Variants in TRAK1 observed in about 807,000 individuals in gnomAD.
TRAK1 encodes trafficking kinesin protein 1.
In TRAK1, 33 loss-of-function variants were observed where a neutral mutation model predicts 92.1. The observed-to-expected ratio is 0.36, with a 90% CI of 0.27 to 0.48. TRAK1 has a LOEUF of 0.48. Among genes scored for constraint, TRAK1 ranks in the 20% least tolerant of loss-of-function variants. The pLI, the probability that TRAK1 is intolerant of heterozygous loss-of-function variation, is 0.99. For synonymous variants in TRAK1, 521 were observed against 517.3 expected, an observed-to-expected ratio of 1.01 and a Z score of -0.10; for missense variants, 1,123 against 1,257.9, an observed-to-expected ratio of 0.89 and a Z score of 1.62.
At chr3:42,089,533 C>T (rs1704875073), upstream of TRAK1, among the ~76,000 whole-genome samples, 1 of 152,190 alleles carries the variant, frequency 6.6e-6, no homozygotes, top group Non-Finnish European at 1.5e-5. Context: ...GCCCTCCGTG[C>T]TCCAGGTACA....
chr3:42,180,481 C>T (rs996145319), intron 3 of TRAK1, among the ~76,000 whole-genome samples: 5 of 151,902 alleles, frequency 3.3e-5, no homozygotes, highest in East Asian at 1.9e-4. Context: ...AAAAGTTAGA[C>T]GCTGTAACTG....
intron 1 of TRAK1, among the ~76,000 whole-genome samples, chr3:42,092,711 G>GTTATGTTA (rs1705247688): frequency 1.3e-4 from 13 of 101,116 alleles, no homozygotes; most frequent in East Asian, 2.8e-4. Flanking sequence ...GTGTTGTGTT[G>GTTATGTTA]TGTTATGTTA....
At chr3:42,098,942 T>TGGAC (rs1706336544) in intron 1 of TRAK1, among the ~76,000 whole-genome samples, 1 of 148,820 alleles carries the variant, frequency 6.7e-6, no homozygotes, top group African/African-American at 2.5e-5. Context: ...GGATTCCAGC[T>TGGAC]GGACAGGAAG....
At position 42,201,883 on chromosome 3, in the gene TRAK1, G is replaced by GACACACACAC. The variant is rs56336064; in HGVS notation, c.1428-514_1428-505dup. ...GGACGGACGGACGGACGGACAGACG[G>GACACACACAC]ACACACACACACACACACACACACA... On this transcript the variant is annotated intron_variant, in intron 12 of 15. Transcript: ENST00000327628. 5.3e-3 allele frequency among the ~76,000 whole-genome samples: 660 copies of GACACACACAC among 125,162 alleles called. 4 individuals are homozygous for GACACACACAC. The highest frequency in any genetic ancestry group is 0.01 in the African/African-American group (328 of 32,388). The allele number at this position is 125,162 out of a possible 152,430, so 82.1% of individuals were successfully genotyped here.
At chr3:42,160,143 G>C in intron 2 of TRAK1, 1 of 1,296,484 alleles carries the variant, frequency 7.7e-7, no homozygotes, top group Non-Finnish European at 9.8e-7. Flanking sequence ...AGGCTCATAG[G>C]AGCCACCCCC....
upstream of TRAK1, chr3:42,013,705 A>G (rs1701397617): frequency 6.8e-6 from 1 of 146,664 alleles, no homozygotes; most frequent in African/African-American, 2.5e-5. This position sits in a 1 kb window ranked among gnomAD's most constrained non-coding sequence, Gnocchi z 5.1. Flanking sequence ...CCGCGTCCGC[A>G]GCAGCGCCCC....
At chr3:42,165,986 C>G (rs1046360254) in intron 2 of TRAK1, among the ~76,000 whole-genome samples, 1 of 152,094 alleles carries the variant, frequency 6.6e-6, no homozygotes, top group Non-Finnish European at 1.5e-5. Context: ...TGGGGCCTGT[C>G]CCGTGTCCCT....
intron 2 of TRAK1, among the ~76,000 whole-genome samples, chr3:42,142,277 C>T (rs1698770239): frequency 6.6e-6 from 1 of 152,224 alleles, no homozygotes; most frequent in Non-Finnish European, 1.5e-5. Context: ...GATTATTTAT[C>T]TTTGGCGACT....
intron 1 of TRAK1, among the ~76,000 whole-genome samples, chr3:42,096,122 A>G (rs1454207193): frequency 6.6e-6 from 1 of 152,076 alleles, no homozygotes; most frequent in Non-Finnish European, 1.5e-5. Context: ...GGCTAGGAAA[A>G]CTCAGCAGCT....
chr3:42,181,899 C>T (rs1215898051), intron 3 of TRAK1, among the ~76,000 whole-genome samples: 1 of 151,848 alleles, frequency 6.6e-6, no homozygotes, highest in East Asian at 1.9e-4. Context: ...CCTCTAGGTA[C>T]CTAATAAGCA....
At chr3:42,121,211 A>G (rs941782742) in intron 1 of TRAK1, among the ~76,000 whole-genome samples, 2 of 152,030 alleles carry the variant, frequency 1.3e-5, no homozygotes, top group African/African-American at 4.8e-5. Flanking sequence ...ACGGTGAGAC[A>G]ATGGTCTGGC....
At chr3:42,183,070 G>A (rs916941384) in intron 3 of TRAK1, among the ~76,000 whole-genome samples, 1 of 152,178 alleles carries the variant, frequency 6.6e-6, no homozygotes, top group African/African-American at 2.4e-5. Context: ...AGCTTAGGTT[G>A]TGACCCAGTA....
chr3:42,018,087 C>A (rs369820312), intron 1 of TRAK1, among the ~76,000 whole-genome samples: 2,918 of 113,900 alleles, frequency 0.026, 33 homozygotes, highest in African/African-American at 0.069. Context: ...CTCATTGTTA[C>A]AAAAAAAAAA....
chr3:42,110,449 CT>C (rs911382065), intron 1 of TRAK1, among the ~76,000 whole-genome samples: 20 of 152,098 alleles, frequency 1.3e-4, no homozygotes, highest in African/African-American at 4.8e-4. Context: ...ACACACAGAG[CT>C]TTTTAAGTTC....
intron 2 of TRAK1, among the ~76,000 whole-genome samples, chr3:42,163,586 A>C (rs867691128): frequency 6.6e-6 from 1 of 150,456 alleles, no homozygotes; most frequent in Admixed American, 6.6e-5. Context: ...AAAAAAAAAA[A>C]GGCATGGACC....
chr3:42,173,860 A>T (rs191496410), intron 2 of TRAK1, among the ~76,000 whole-genome samples: 1 of 152,112 alleles, frequency 6.6e-6, no homozygotes, highest in Non-Finnish European at 1.5e-5. Context: ...TGATAGGGGC[A>T]CCATCGGTGT....
chr3:42,160,558 G>GTT (rs11370773), intron 2 of TRAK1: 12,767 of 1,071,270 alleles, frequency 0.012, 103 homozygotes, highest in Non-Finnish European at 0.014. Flanking sequence ...TCATAGCACT[G>GTT]TTTTGTTTTT....
chr3:42,144,365 A>G (rs1448654153), intron 2 of TRAK1, among the ~76,000 whole-genome samples: 1 of 152,030 alleles, frequency 6.6e-6, no homozygotes, highest in Non-Finnish European at 1.5e-5. Flanking sequence ...GCTCTGCCAT[A>G]CACTAATTGA....
At chr3:42,020,119 C>T (rs933591088) in intron 1 of TRAK1, among the ~76,000 whole-genome samples, 4 of 152,134 alleles carry the variant, frequency 2.6e-5, no homozygotes, top group Admixed American at 2.6e-4. Context: ...GGACAATGCT[C>T]ACGAGAGGGA....
Sources: allele counts gnomAD v4.1 joint callset (sites outside exome capture counted in the v4.1 genomes callset), GRCh38; gene constraint gnomAD v4.1.1; non-coding constraint Gnocchi (gnomAD v3.1); transcripts MANE v1.5; gene names NCBI Gene and HGNC (gene_info 2026-07-23, HGNC 2026-07-21).